The following ASIC3 variants were observed in gnomAD, a reference collection of about 807,000 sequenced individuals.
The protein encoded by ASIC3 is acid sensing ion channel subunit 3, also known as acid-sensing ion channel 3.
ASIC3 carries 46 observed loss-of-function variants against 58.6 expected under a neutral mutation model. The ratio of observed to expected loss-of-function variants is 0.79; its 90% CI spans 0.62 to 1.00. The LOEUF is 1.00. Among genes scored for constraint, ASIC3 ranks in the 50% least tolerant of loss-of-function variants. The pLI is 0.00. For synonymous variants in ASIC3, 336 were observed against 300.2 expected (o/e 1.12, Z -1.23); for missense variants, 770 against 735.0 (o/e 1.05, Z -0.55).
Position 151,048,996 on chromosome 7 carries a change from C to A in ASIC3, c.111C>A (p.Ser37Arg), listed in dbSNP as rs967503213. Residue 37 changes from serine to arginine, a missense_variant, in exon 1 of 11, where the codon AGC becomes AGA. Ser to Arg is a moderately radical substitution (Grantham distance 110, BLOSUM62 -1). Coordinates refer to ENST00000349064, the MANE Select transcript of ASIC3 (RefSeq NM_004769.4). ...TGGGCCACGTCTTCGGGCCAGGCAG[C>A]CTGAGCCTGCGCCGGGGGATGTGGG... is the stretch of plus-strand genomic sequence containing the variant. Reference protein sequence around the residue: ...HGLGHVFGPGSLSLRRGMWAA... With the variant: ...HGLGHVFGPGRLSLRRGMWAA... 2 of 1,611,322 alleles carry A rather than the reference C, an allele frequency of 1.2e-6. No individual in the cohort carries two copies. The highest frequency in any genetic ancestry group is 1.7e-5 in the Admixed American group (1 of 59,920).
chr7:151,049,537 C>T (rs1438261548), intron 1 of ASIC3, 118 bp downstream of exon 1: 2 of 1,284,030 alleles, frequency 1.6e-6, no homozygotes, highest in Non-Finnish European at 2.1e-6. Flanking sequence ...CCTCTTCCTT[C>T]CTACCAGCCA....
At position 151,048,604 on chromosome 7, in the gene ASIC3, G is replaced by T; in HGVS notation, c.-282G>T. 2.3e-6 allele frequency: 1 copy of T among 428,562 alleles called. No homozygotes were observed. The highest frequency in any genetic ancestry group is 4.1e-6 in the Non-Finnish European group (1 of 242,718). The allele number at this position is 428,562 out of a possible 1,614,324, so 26.5% of individuals were successfully genotyped here. A position where few individuals can be genotyped will look rare whatever the true frequency, so the allele number is the denominator to read the frequency against. ...GCCCCTGCCTGCCACGGTCAGCTACGTCCCACCTGGTCTGCTGCGGAGTCC... is the reference window on the plus strand; with the variant it reads ...GCCCCTGCCTGCCACGGTCAGCTACTTCCCACCTGGTCTGCTGCGGAGTCC... On this transcript the variant is annotated 5_prime_UTR_variant, in exon 1 of 11. Transcript: ENST00000349064.
chr7:151,051,193 C>CAT lies in ASIC3; in HGVS notation c.1088_1089insAT (p.Cys366ProfsTer93). On this transcript the variant is annotated frameshift_variant, in exon 6 of 11. Coordinates refer to ENST00000349064, the MANE Select transcript of ASIC3 (RefSeq NM_004769.4). LOFTEE classifies it high-confidence loss of function. ...GCAGATGCCATGCTTCGCAAGGACTCGTGCGCCTGCCCCAACCCGTGCGCC... is the reference window on the plus strand; with the variant it reads ...GCAGATGCCATGCTTCGCAAGGACTCATGTGCGCCTGCCCCAACCCGTGCGCC... 1 of 1,590,200 alleles carries CAT rather than the reference C, an allele frequency of 6.3e-7. No individual in the cohort carries two copies. Among genetic ancestry groups the CAT allele is most frequent in the Non-Finnish European group, 8.5e-7 (1 of 1,174,130 alleles).
Position 151,050,743 on chromosome 7 carries a change from C to T in ASIC3, c.814-15C>T, listed in dbSNP as rs1319879957. 3.1e-6 allele frequency: 5 copies of T among 1,612,122 alleles called. No homozygotes were observed. Among genetic ancestry groups the T allele is most frequent in the Non-Finnish European group, 4.2e-6 (5 of 1,179,236 alleles). On this transcript the variant is annotated splice_polypyrimidine_tract_variant and intron_variant, in intron 3 of 10. Transcript: ENST00000349064. ...ACGCTCTCCGGGAAGCCTCCTTAACCCTGTCCCCCCACAGCTGAGCTTCCT... is the reference window on the plus strand; with the variant it reads ...ACGCTCTCCGGGAAGCCTCCTTAACTCTGTCCCCCCACAGCTGAGCTTCCT...
intron 5 of ASIC3, 28 bp downstream of exon 5, chr7:151,051,123 T>TCCGCCCCGCTCCGC: frequency 1.3e-6 from 2 of 1,599,634 alleles, no homozygotes; most frequent in Non-Finnish European, 1.7e-6. Flanking sequence ...CCACCTCCCG[T>TCCGCCCCGCTCCGC]CCGCCCCGCT....
At position 151,052,670 on chromosome 7, in the gene ASIC3, T is replaced by G. The variant is rs1411677930; in HGVS notation, c.*18T>G. On this transcript the variant is annotated 3_prime_UTR_variant, in exon 11 of 11. Coordinates refer to ENST00000349064, the MANE Select transcript of ASIC3 (RefSeq NM_004769.4). The surrounding 1 kb of genome is among the most constrained non-coding windows in gnomAD (Gnocchi z 5.0). ...AGCTCTAGACCTGCTGTCTGTGTCC[T>G]CGGAGCCCCGCCCTGACATCCTGGA... 6.2e-7 allele frequency: 1 copy of G among 1,614,056 alleles called. No individual in the cohort carries two copies. The highest frequency in any genetic ancestry group is 1.1e-5 in the South Asian group (1 of 91,082).
rs775143877 is a variant in ASIC3, at chr7:151,052,568, C to G, written c.1518-6C>G. The G allele has an allele frequency of 6.2e-7, 1 of 1,613,708 alleles. No individual in the cohort carries two copies. The highest frequency in any genetic ancestry group is 1.1e-5 in the South Asian group (1 of 90,996). ...TCCCACCCCAGCACTCTGCTCTGTTCCGAAGACCTCCCACCCCTCCCTGTG... is the reference window on the plus strand; with the variant it reads ...TCCCACCCCAGCACTCTGCTCTGTTGCGAAGACCTCCCACCCCTCCCTGTG... On this transcript the variant is annotated splice_polypyrimidine_tract_variant and splice_region_variant and intron_variant, in intron 10 of 10. Coordinates refer to ENST00000349064, the MANE Select transcript of ASIC3 (RefSeq NM_004769.4). This position sits in a 1 kb window ranked among gnomAD's most constrained non-coding sequence, Gnocchi z 5.0.
Position 151,048,807 on chromosome 7 carries a change from T to TA in ASIC3, c.-78dup. Reference sequence around the variant, plus strand: ...TTGCCTGGCCTCCTGAATCCTATCTTAGCCTCCTTAGCCCCCTGACTGACT... The same window carrying TA: ...TTGCCTGGCCTCCTGAATCCTATCTTAAGCCTCCTTAGCCCCCTGACTGACT... On this transcript the variant is annotated 5_prime_UTR_variant, in exon 1 of 11. Transcript: ENST00000349064. 1.3e-6 allele frequency: 2 copies of TA among 1,491,606 alleles called. No homozygotes were observed. The highest frequency in any genetic ancestry group is 1.8e-6 in the Non-Finnish European group (2 of 1,113,934). The allele number at this position is 1,491,606 out of a possible 1,614,324, so 92.4% of individuals were successfully genotyped here. A position where few individuals can be genotyped will look rare whatever the true frequency, so the allele number is the denominator to read the frequency against.
Position 151,049,255 on chromosome 7 carries a change from G to A in ASIC3, c.370G>A (p.Ala124Thr), listed in dbSNP as rs201529251. The change falls in exon 1 of 11, where the codon GCC becomes ACC. Residue 124 changes from alanine (A) to threonine (T), a missense_variant. By Grantham distance (58) the Ala-to-Thr change is moderately conservative. Coordinates refer to ENST00000349064, the MANE Select transcript of ASIC3 (RefSeq NM_004769.4). ...GGGCCTGGATCCCGCAGAGCACGCC[G>A]CCTTCCTGCGCGCCCTGGGCCGGCC... Reference protein sequence around the residue: ...LLGLDPAEHAAFLRALGRPPA... With the variant: ...LLGLDPAEHATFLRALGRPPA... 14 of 1,612,006 alleles carry A rather than the reference G, an allele frequency of 8.7e-6. No homozygotes were observed. Among genetic ancestry groups the A allele is most frequent in the Middle Eastern group, 1.7e-4 (1 of 6,060 alleles).
In ASIC3 at chr7:151,049,193, C is replaced by A; in HGVS notation, c.308C>A (p.Thr103Lys). The stretch of plus-strand genomic sequence containing the variant: ...AACCCACTGCGCCGCTCGCGCCTAA[C>A]GCCCAACGACCTGCACTGGGCTGGG... The part of the protein sequence containing the change: ...NINPLRRSRL[T>K]PNDLHWAGSA... The change falls in exon 1 of 11, where the codon ACG becomes AAG. Residue 103 changes from threonine to lysine, a missense_variant. Transcript: ENST00000349064. 6.2e-7 allele frequency: 1 copy of A among 1,613,494 alleles called. No homozygotes were observed.
rs757875390 is a variant in ASIC3, at chr7:151,051,113, C to G, written c.1066+18C>G. The G allele has an allele frequency of 6.2e-7, 1 of 1,608,188 alleles. No homozygotes were observed. Among genetic ancestry groups the G allele is most frequent in the South Asian group, 1.1e-5 (1 of 90,824 alleles). On this transcript the variant is annotated intron_variant, in intron 5 of 10. Coordinates refer to ENST00000349064, the MANE Select transcript of ASIC3 (RefSeq NM_004769.4). Reference sequence around the variant, plus strand: ...GGCCATAGGTAAGGGCGAGCCTCCCCCACCTCCCGTCCGCCCCGCTCCGCC... The same window carrying G: ...GGCCATAGGTAAGGGCGAGCCTCCCGCACCTCCCGTCCGCCCCGCTCCGCC...
chr7:151,052,126 A>G lies in ASIC3; in HGVS notation c.1387-40A>G, dbSNP rs758213899. 1 of 1,613,310 alleles carries G rather than the reference A, an allele frequency of 6.2e-7. No homozygotes were observed. The highest frequency in any genetic ancestry group is 1.1e-5 in the South Asian group (1 of 91,058). On this transcript the variant is annotated intron_variant, in intron 8 of 10. Coordinates refer to ENST00000349064, the MANE Select transcript of ASIC3 (RefSeq NM_004769.4). This position sits in a 1 kb window ranked among gnomAD's most constrained non-coding sequence, Gnocchi z 5.0. ...AATCAGGGCCCCTAGGATGAGGGGG[A>G]AGGTGTGCACTGGCCACCTCCCATC...
At chr7:151,051,415 G>A in intron 6 of ASIC3, 96 bp downstream of exon 6, 2 of 1,372,812 alleles carry the variant, frequency 1.5e-6, no homozygotes, top group Non-Finnish European at 1.9e-6. Context: ...CGCACAGCCC[G>A]GGCGGAGGCA....
In ASIC3 at chr7:151,050,508, G is replaced by T; in HGVS notation, c.713G>T (p.Arg238Leu). The T allele has an allele frequency of 1.2e-6, 2 of 1,613,950 alleles. No individual in the cohort carries two copies. Among genetic ancestry groups the T allele is most frequent in the Non-Finnish European group, 1.7e-6 (2 of 1,179,934 alleles). ...NEETPFEVGI[R>L]VQIHSQEEPP... ...GAGACCCCGTTTGAGGTGGGGATCC[G>T]AGTGCAGATCCACAGCCAGGAGGAG... The change falls in exon 3 of 11, where the codon CGA (arginine) becomes CTA (leucine). Residue 238 changes from arginine (R) to leucine (L), a missense_variant. Physicochemically the swap from Arg to Leu is moderately radical, Grantham distance 102 (BLOSUM62 -2). Coordinates refer to ENST00000349064, the MANE Select transcript of ASIC3 (RefSeq NM_004769.4).
At position 151,052,595 on chromosome 7, in the gene ASIC3, C is replaced by T. The variant is rs370089221; in HGVS notation, c.1539C>T (p.Ala513=). The T allele has an allele frequency of 1.2e-5, 19 of 1,614,128 alleles. No homozygotes were observed. Among genetic ancestry groups the T allele is most frequent in the Middle Eastern group, 1.6e-4 (1 of 6,062 alleles). ...GAAGACCTCCCACCCCTCCCTGTGC[C>T]GTCACCAAGACTCTCTCCGCCTCCC... is the stretch of plus-strand genomic sequence containing the variant. ...LGPRPPTPPC[A]VTKTLSASHR... Residue 513 remains alanine, a synonymous_variant, in exon 11 of 11, where the codon GCC becomes GCT. Coordinates refer to ENST00000349064, the MANE Select transcript of ASIC3 (RefSeq NM_004769.4). This position sits in a 1 kb window ranked among gnomAD's most constrained non-coding sequence, Gnocchi z 5.0.
At chr7:151,050,737 C>T (rs1263551117) in intron 3 of ASIC3, 21 bp from the exon 4 acceptor site, 2 of 1,612,108 alleles carry the variant, frequency 1.2e-6, no homozygotes, top group Non-Finnish European at 1.7e-6. Flanking sequence ...GGGAAGCCTC[C>T]TTAACCCTGT....
intron 2 of ASIC3, 52 bp from the exon 3 acceptor site, chr7:151,050,429 G>A: frequency 6.2e-7 from 1 of 1,600,524 alleles, no homozygotes; most frequent in African/African-American, 1.3e-5. Context: ...TTGTCTGGTT[G>A]GGCAGGAGAC....
rs745577884 is a variant in ASIC3, at chr7:151,052,474, G to A, written c.1517G>A (p.Arg506Lys). The A allele has an allele frequency of 6.2e-7, 1 of 1,614,106 alleles. No individual in the cohort carries two copies. Among genetic ancestry groups the A allele is most frequent in the Admixed American group, 1.7e-5 (1 of 60,006 alleles). The change falls in exon 10 of 11, where the codon AGA becomes AAA. Residue 506 changes from arginine to lysine, a missense_variant and splice_region_variant. Physicochemically the swap from Arg to Lys is conservative, Grantham distance 26 (BLOSUM62 2). Coordinates refer to ENST00000349064, the MANE Select transcript of ASIC3 (RefSeq NM_004769.4). The surrounding 1 kb of genome is among the most constrained non-coding windows in gnomAD (Gnocchi z 5.0). Reference protein sequence around the residue: ...TQVPHLSLGPRPPTPPCAVTK... With the variant: ...TQVPHLSLGPKPPTPPCAVTK... ...GTTCCCCACCTCAGCCTGGGCCCCA[G>A]GTAACACATAATGGCCCCCTAAAAT...
chr7:151,051,887 T>C lies in ASIC3; in HGVS notation c.1292T>C (p.Met431Thr), dbSNP rs762062532. Residue 431 changes from methionine to threonine, a missense_variant, in exon 7 of 11, where the codon ATG becomes ACG. By Grantham distance (81) the Met-to-Thr change is moderately conservative (BLOSUM62 -1). Transcript: ENST00000349064. ...GTGGAGCAGAAGAAGGCCTATGAGA[T>C]GTCAGAGCTGCTTGGTGTGTGTGCA... ...ETVEQKKAYE[M>T]SELLGDIGGQ... The C allele has an allele frequency of 1.2e-6, 2 of 1,612,260 alleles. No individual in the cohort carries two copies. Among genetic ancestry groups the C allele is most frequent in the South Asian group, 1.1e-5 (1 of 90,968 alleles).
Sources: gnomAD v4.1 joint callset for allele counts on GRCh38, gnomAD v4.1.1 for gene constraint, Gnocchi (gnomAD v3.1) non-coding constraint, MANE v1.5 for transcripts, NCBI Gene and HGNC (gene_info 2026-07-23, HGNC 2026-07-21) for gene names.